PRRC2B: variants seen among roughly 807,000 people sequenced by gnomAD.
PRRC2B encodes the protein proline rich coiled-coil 2B.
In PRRC2B, 68 loss-of-function variants were observed where a neutral mutation model predicts 242.3. The observed-to-expected ratio is 0.28, with a 90% CI of 0.23 to 0.34. The LOEUF is 0.34. PRRC2B is among the 10% of genes least tolerant of loss of function. The probability of loss-of-function intolerance (pLI) is 1.00; values close to 1 mark genes in which losing one functional copy is unlikely to be tolerated. For synonymous variants in PRRC2B, 1,228 were observed against 1,173.6 expected, an observed-to-expected ratio of 1.05 and a Z score of -0.95; for missense variants, 2,835 against 2,954.8, an observed-to-expected ratio of 0.96 and a Z score of 0.94.
Position 131,458,659 on chromosome 9 carries a change from C to T in PRRC2B, c.1212-505C>T, listed in dbSNP as rs371286492. Among the ~76,000 whole-genome samples, 13 of 152,212 alleles carry T rather than the reference C, an allele frequency of 8.5e-5. No individual in the cohort carries two copies. The South Asian group carries it at 1.5e-3, about 17-fold the overall frequency. ...CTGAGATTACAGGTGCCTGCTACCA[C>T]ACCTGGCTAATTTTTGTATTTTTAG... On this transcript the variant is annotated intron_variant, in intron 10 of 31. Coordinates refer to ENST00000683519, the MANE Select transcript of PRRC2B (RefSeq NM_013318.4).
intron 1 of PRRC2B, among the ~76,000 whole-genome samples, chr9:131,423,076 T>C (rs1837885682): frequency 6.6e-6 from 1 of 152,190 alleles, no homozygotes; most frequent in African/African-American, 2.4e-5. Flanking sequence ...GTCTGCTTCA[T>C]ATGTCATACT....
At chr9:131,455,613 C>A (rs1943051037) in intron 10 of PRRC2B, among the ~76,000 whole-genome samples, 1 of 149,912 alleles carries the variant, frequency 6.7e-6, no homozygotes, top group Non-Finnish European at 1.5e-5. Flanking sequence ...ATCTCCTGGG[C>A]TCAGCGATTC....
intron 1 of PRRC2B, among the ~76,000 whole-genome samples, chr9:131,415,805 A>G (rs755316264): frequency 7.9e-5 from 12 of 152,200 alleles, no homozygotes; most frequent in Admixed American, 4.6e-4. Flanking sequence ...TATCCCTAAC[A>G]TGCTGAAATT....
chr9:131,457,563 C>A (rs968421666), intron 10 of PRRC2B, among the ~76,000 whole-genome samples: 1 of 152,182 alleles, frequency 6.6e-6, no homozygotes, highest in Non-Finnish European at 1.5e-5. Flanking sequence ...TCTTATTTGG[C>A]ATCTTTATTT....
At chr9:131,481,581 G>T in intron 19 of PRRC2B, 145 bp from the exon 20 acceptor site, 1 of 665,710 alleles carries the variant, frequency 1.5e-6, no homozygotes, top group Non-Finnish European at 2.7e-6. Flanking sequence ...TGGGTGTCAC[G>T]GGTAGGGGGC....
chr9:131,461,520 T>C (rs778535148), intron 11 of PRRC2B, among the ~76,000 whole-genome samples: 1 of 152,208 alleles, frequency 6.6e-6, no homozygotes, highest in Non-Finnish European at 1.5e-5. Flanking sequence ...TAAAGCCTGC[T>C]ATTTTCAGTG....
At chr9:131,468,826 TCTCTC>T (rs1943464110) in intron 13 of PRRC2B, among the ~76,000 whole-genome samples, 1 of 152,190 alleles carries the variant, frequency 6.6e-6, no homozygotes, top group Non-Finnish European at 1.5e-5. Context: ...CTCAGCCTCT[TCTCTC>T]CTCTGGGCAC....
At chr9:131,395,436 G>C (rs1365513101) in intron 1 of PRRC2B, among the ~76,000 whole-genome samples, 2 of 152,112 alleles carry the variant, frequency 1.3e-5, no homozygotes, top group African/African-American at 4.8e-5. Flanking sequence ...GGTGGGACTG[G>C]GGAGGCCCAG....
Position 131,479,361 on chromosome 9 carries a change from T to C in PRRC2B, c.4868T>C (p.Leu1623Pro), listed in dbSNP as rs1255204335. 1 of 1,613,862 alleles carries C rather than the reference T, an allele frequency of 6.2e-7. No homozygotes were observed. The highest frequency in any genetic ancestry group is 8.5e-7 in the Non-Finnish European group (1 of 1,179,836). The change falls in exon 19 of 32, where the codon CTG (leucine) becomes CCG (proline). Residue 1623 changes from leucine (L) to proline (P), a missense_variant. Coordinates refer to ENST00000683519, the MANE Select transcript of PRRC2B (RefSeq NM_013318.4). ...GACGTGACCGTGCCTGGCAGCAGCC[T>C]GGGCACTGAGATCTGGGAGAGCAGC... ...QGDVTVPGSS[L>P]GTEIWESSSQ...
intron 1 of PRRC2B, among the ~76,000 whole-genome samples, chr9:131,399,136 T>A (rs994913080): frequency 4.0e-5 from 6 of 150,400 alleles, no homozygotes; most frequent in Non-Finnish European, 7.4e-5. Flanking sequence ...ATTAGCTGGA[T>A]GCCGTGGCGA....
chr9:131,424,799 T>G (rs1331559459), intron 1 of PRRC2B, among the ~76,000 whole-genome samples: 1 of 152,190 alleles, frequency 6.6e-6, no homozygotes, highest in African/African-American at 2.4e-5. Flanking sequence ...CAAGGCTCTG[T>G]GATTGGAAGG....
chr9:131,485,620 T>G (rs762279329), intron 25 of PRRC2B: 22 of 531,906 alleles, frequency 4.1e-5, no homozygotes, highest in South Asian at 1.8e-4. Context: ...CGTGTGCCAG[T>G]GTCCCCAAGG....
chr9:131,374,803 A>G (rs1486964700), intron 1 of PRRC2B, among the ~76,000 whole-genome samples: 1 of 152,178 alleles, frequency 6.6e-6, no homozygotes, highest in Non-Finnish European at 1.5e-5. Flanking sequence ...CTGGAATTAC[A>G]GGCGTGAGCC....
chr9:131,398,347 G>A (rs1171908070), intron 1 of PRRC2B, among the ~76,000 whole-genome samples: 1 of 152,260 alleles, frequency 6.6e-6, no homozygotes, highest in East Asian at 1.9e-4. Context: ...GACCTGAGAA[G>A]CATCCTTCGT....
chr9:131,425,284 C>A (rs1377946728), intron 1 of PRRC2B, among the ~76,000 whole-genome samples: 2 of 152,006 alleles, frequency 1.3e-5, no homozygotes, highest in Non-Finnish European at 2.9e-5. Context: ...CCACGCCTGA[C>A]CTGAGCAAGG....
rs1398293470 is a variant in PRRC2B at position 131,430,222 on chromosome 9, G to A, written c.78G>A (p.Lys26=). The A allele has an allele frequency of 3.1e-6, 5 of 1,605,372 alleles. No individual in the cohort carries two copies. Among genetic ancestry groups the A allele is most frequent in the Non-Finnish European group, 4.3e-6 (5 of 1,175,940 alleles). ...SKYSTLSLFD[K]YKGKSVDAIR... ...ACTCGACTCTCAGCCTGTTTGATAA[G>A]TATAAAGGAAAATCAGTAGACGCGA... The change falls in exon 2 of 32, where the codon AAG becomes AAA. Residue 26 remains lysine (K), a synonymous_variant. Coordinates refer to ENST00000683519, the MANE Select transcript of PRRC2B (RefSeq NM_013318.4).
At position 131,492,072 on chromosome 9, in the gene PRRC2B, G is replaced by C. The variant is rs1306498480; in HGVS notation, c.6382-97G>C. On this transcript the variant is annotated intron_variant, in intron 29 of 31. Transcript: ENST00000683519. The stretch of plus-strand genomic sequence containing the variant: ...AAGATGCCTCCCTGGGAATTCCCAT[G>C]GCCCTCACCACCTCTGCCCTGGGTT... 12 of 925,042 alleles carry C rather than the reference G, an allele frequency of 1.3e-5. No homozygotes were observed. In the East Asian group the frequency reaches 2.9e-4, roughly 22 times the overall value. The allele number at this position is 925,042 out of a possible 1,614,324, so 57.3% of individuals were successfully genotyped here. A position where few individuals can be genotyped will look rare whatever the true frequency, so the allele number is the denominator to read the frequency against.
In PRRC2B at chr9:131,495,988, G is replaced by A. The variant is rs933282432; in HGVS notation, c.*114G>A. On this transcript the variant is annotated 3_prime_UTR_variant, in exon 32 of 32. Transcript: ENST00000683519. ...ATCCACCGTCCAAATGCGTGGCCCA[G>A]ACTGAGAGACCTCCCTCCTCTCCAC... The A allele has an allele frequency of 1.4e-6, 2 of 1,403,532 alleles. No individual in the cohort carries two copies. Among genetic ancestry groups the A allele is most frequent in the African/African-American group, 1.4e-5 (1 of 70,380 alleles). The allele number at this position is 1,403,532 out of a possible 1,614,324, so 86.9% of individuals were successfully genotyped here. A position where few individuals can be genotyped will look rare whatever the true frequency, so the allele number is the denominator to read the frequency against.
intron 14 of PRRC2B, among the ~76,000 whole-genome samples, chr9:131,471,801 T>C (rs1943555169): frequency 6.6e-6 from 1 of 152,254 alleles, no homozygotes; most frequent in Non-Finnish European, 1.5e-5. Context: ...TTTTTAACAT[T>C]CTACATTTGC....
Sources: gnomAD v4.1 joint callset for allele counts (sites outside exome capture counted in the v4.1 genomes callset) on GRCh38, gnomAD v4.1.1 for gene constraint, MANE v1.5 for transcripts, NCBI Gene and HGNC (gene_info 2026-07-23, HGNC 2026-07-21) for gene names.